Variants in PCMT1 observed in about 807,000 individuals in gnomAD.
PCMT1 encodes the protein protein-L-isoaspartate (D-aspartate) O-methyltransferase.
In PCMT1, 9 loss-of-function variants were observed where a neutral mutation model predicts 29.2. The observed-to-expected ratio is 0.31, with a 90% CI of 0.19 to 0.54. PCMT1 has a LOEUF of 0.54. PCMT1 is among the 20% of genes least tolerant of loss of function. The pLI, the probability that PCMT1 is intolerant of heterozygous loss-of-function variation, is 0.95. For missense variants in PCMT1, 184 were observed against 282.2 expected (o/e 0.65, Z 2.49); for synonymous variants, 98 against 97.5 (o/e 1.00, Z -0.03).
intron 7 of PCMT1, among the ~76,000 whole-genome samples, chr6:149,807,055 A>G (rs1013150208): frequency 6.6e-6 from 1 of 152,200 alleles, no homozygotes; most frequent in African/African-American, 2.4e-5. Flanking sequence ...CAGAAACTGT[A>G]TTTTTAAAAA....
chr6:149,771,995 G>C (rs1359690703), intron 2 of PCMT1: 1 of 456,280 alleles, frequency 2.2e-6, no homozygotes, highest in East Asian at 6.9e-5. Flanking sequence ...CTGCTTTTTT[G>C]GCTTGTGTTT....
At chr6:149,787,511 G>A (rs1383472102) in intron 3 of PCMT1, among the ~76,000 whole-genome samples, 2 of 151,714 alleles carry the variant, frequency 1.3e-5, no homozygotes, top group Non-Finnish European at 2.9e-5. Context: ...GATTACAGCC[G>A]CCACCACGCC....
rs1554251094 is a variant in PCMT1, at chr6:149,758,208, C to CTTTCT, written c.55+8255_55+8256insCTTTT. On this transcript the variant is annotated intron_variant, in intron 1 of 7. Coordinates refer to ENST00000464889, the MANE Select transcript of PCMT1 (RefSeq NM_001360452.2). ...CAATTTTTTTTTTCTTTCTTTCTTT[C>CTTTCT]TTTTTTTTTTTTTTTTTTCTGAGAC... Among the ~76,000 whole-genome samples the CTTTCT allele has an allele frequency of 7.8e-4, 58 of 73,910 alleles. 1 individual carries two copies. Among genetic ancestry groups the CTTTCT allele is most frequent in the East Asian group, 3.0e-3 (3 of 1,002 alleles). The allele number at this position is 73,910 out of a possible 152,430, so 48.5% of individuals were successfully genotyped here. A position where few individuals can be genotyped will look rare whatever the true frequency, so the allele number is the denominator to read the frequency against.
intron 6 of PCMT1, among the ~76,000 whole-genome samples, chr6:149,801,618 G>A (rs1056367763): frequency 6.6e-6 from 1 of 151,862 alleles, no homozygotes; most frequent in Admixed American, 6.6e-5. Context: ...GGCTAATTTT[G>A]TACTTTTTTA....
rs1198424956 is a variant in PCMT1 at position 149,756,121 on chromosome 6, A to C, written c.55+6165A>C. On this transcript the variant is annotated intron_variant, in intron 1 of 7. Coordinates refer to ENST00000464889, the MANE Select transcript of PCMT1 (RefSeq NM_001360452.2). ...GGTGAGTGAGTGAGCAGCCACGTTT[A>C]TTCTGTGAGGAGGGGACTGTGGGAG... 2.0e-5 allele frequency among the ~76,000 whole-genome samples: 3 copies of C among 152,142 alleles called. No homozygotes were observed. In the East Asian group the frequency reaches 5.8e-4, roughly 29 times the overall value.
intron 4 of PCMT1, among the ~76,000 whole-genome samples, chr6:149,790,928 GC>G (rs1188231710): frequency 2.0e-5 from 3 of 152,038 alleles, no homozygotes; most frequent in African/African-American, 7.2e-5. Context: ...AATCCCTTGA[GC>G]CCAGGAGGTG....
At chr6:149,757,673 A>G (rs1786561949) in intron 1 of PCMT1, among the ~76,000 whole-genome samples, 2 of 152,210 alleles carry the variant, frequency 1.3e-5, no homozygotes, top group South Asian at 4.1e-4. Context: ...TATCCTAACA[A>G]TCAAAAAGTT....
chr6:149,792,667 G>A (rs1435665840), intron 4 of PCMT1, among the ~76,000 whole-genome samples: 1 of 151,914 alleles, frequency 6.6e-6, no homozygotes, highest in African/African-American at 2.4e-5. Context: ...GGAGGCACAT[G>A]CTACCACACC....
At chr6:149,800,533 T>C (rs186395388) in intron 6 of PCMT1, among the ~76,000 whole-genome samples, 18 of 152,286 alleles carry the variant, frequency 1.2e-4, no homozygotes, top group African/African-American at 4.3e-4. Context: ...GTTTCTTCTT[T>C]AATGTTTTTT....
At chr6:149,799,903 G>A (rs1380857353) in intron 6 of PCMT1, among the ~76,000 whole-genome samples, 1 of 152,114 alleles carries the variant, frequency 6.6e-6, no homozygotes, top group African/African-American at 2.4e-5. Flanking sequence ...AATAAAAAAT[G>A]ATTGGTTGGA....
At chr6:149,786,682 G>T (rs1788106995) in intron 3 of PCMT1, among the ~76,000 whole-genome samples, 1 of 150,904 alleles carries the variant, frequency 6.6e-6, no homozygotes, top group Admixed American at 6.6e-5. Context: ...AGACGGGGTC[G>T]CGGCCGGGCA....
rs771928127 is a variant in PCMT1 at position 149,802,178 on chromosome 6, T to C, written c.505-22T>C. 3.5e-6 allele frequency: 5 copies of C among 1,425,360 alleles called. No homozygotes were observed. The South Asian group carries it at 6.5e-5, about 18-fold the overall frequency. 88.3% of individuals were successfully genotyped at this position (1,425,360 alleles called of 1,614,324 possible). A position where few individuals can be genotyped will look rare whatever the true frequency, so the allele number is the denominator to read the frequency against. On this transcript the variant is annotated intron_variant, in intron 6 of 7. Coordinates refer to ENST00000464889, the MANE Select transcript of PCMT1 (RefSeq NM_001360452.2). ...AAAATCTGTAACTTGGTGATGTATG[T>C]GCTTTTTTTTTTTTCTTTTAGCTAA... is the stretch of plus-strand genomic sequence containing the variant.
At position 149,754,154 on chromosome 6, in the gene PCMT1, A is replaced by G. The variant is rs145356964; in HGVS notation, c.55+4198A>G. Reference sequence around the variant, plus strand: ...CTCTATATTGTCCAGTGTGGTAGCTACTAGCTACATGTGGCATTTAACATT... The same window carrying G: ...CTCTATATTGTCCAGTGTGGTAGCTGCTAGCTACATGTGGCATTTAACATT... On this transcript the variant is annotated intron_variant, in intron 1 of 7. Coordinates refer to ENST00000464889, the MANE Select transcript of PCMT1 (RefSeq NM_001360452.2). Among the ~76,000 whole-genome samples, 72 of 152,338 alleles carry G rather than the reference A, an allele frequency of 4.7e-4. No individual in the cohort carries two copies. In the East Asian group the frequency reaches 0.014, roughly 29 times the overall value.
At chr6:149,810,072 T>C (rs4869731) in intron 7 of PCMT1, 81,208 of 152,488 alleles carry the variant, frequency 0.53, 24,837 homozygotes, top group East Asian at 0.83. Context: ...CCTGGCTGAG[T>C]GAATGGTTTC....
chr6:149,799,173 A>T (rs566216441), intron 6 of PCMT1: 1 of 152,094 alleles, frequency 6.6e-6, no homozygotes, highest in Non-Finnish European at 1.5e-5. Flanking sequence ...AATTAGCCAG[A>T]TGTGGCAGCC....
intron 1 of PCMT1, among the ~76,000 whole-genome samples, chr6:149,764,868 C>T (rs1787007277): frequency 1.3e-5 from 2 of 151,320 alleles, no homozygotes; most frequent in South Asian, 2.1e-4. Context: ...AGTGAAACCC[C>T]GTCTCTACTA....
At chr6:149,779,453 G>C (rs1787719273) in intron 3 of PCMT1, among the ~76,000 whole-genome samples, 1 of 152,078 alleles carries the variant, frequency 6.6e-6, no homozygotes. Flanking sequence ...CTCCTGAACT[G>C]TGCTCAGTCT....
intron 3 of PCMT1, among the ~76,000 whole-genome samples, chr6:149,782,207 A>G (rs1787842806): frequency 6.6e-6 from 1 of 152,192 alleles, no homozygotes; most frequent in African/African-American, 2.4e-5. Flanking sequence ...AACAGTAAGC[A>G]TACAGTGCAA....
At chr6:149,760,560 G>A (rs1786694048) in intron 1 of PCMT1, among the ~76,000 whole-genome samples, 1 of 152,014 alleles carries the variant, frequency 6.6e-6, no homozygotes, top group African/African-American at 2.4e-5. Flanking sequence ...TTCCTTTTAA[G>A]AGCATGATCT....
Sources: gnomAD v4.1 joint callset for allele counts (sites outside exome capture counted in the v4.1 genomes callset) on GRCh38, gnomAD v4.1.1 for gene constraint, MANE v1.5 for transcripts, NCBI Gene and HGNC (gene_info 2026-07-23, HGNC 2026-07-21) for gene names.